Variants in CCND3 observed in about 807,000 individuals in gnomAD.
CCND3 encodes cyclin D3.
Under a neutral mutation model 28.7 loss-of-function variants are expected in CCND3, and 9 were observed. That is an observed-to-expected ratio of 0.31 (90% CI 0.19 to 0.55). The LOEUF (loss-of-function observed/expected upper bound fraction) is 0.55, where lower values mean the gene tolerates loss of function less well. Among genes scored for constraint, CCND3 ranks in the 20% least tolerant of loss-of-function variants. CCND3 has a pLI of 0.93. For missense variants in CCND3, 315 were observed against 385.8 expected, an observed-to-expected ratio of 0.82 and a Z score of 1.54; for synonymous variants, 164 against 163.9, an observed-to-expected ratio of 1.00 and a Z score of 0.00.
upstream of CCND3, chr6:42,049,813 G>A (rs1413336701): frequency 6.6e-6 from 1 of 152,190 alleles, no homozygotes; most frequent in Non-Finnish European, 1.5e-5. Flanking sequence ...AACATTACTC[G>A]CTCAGAAGAA....
intron 1 of CCND3, among the ~76,000 whole-genome samples, chr6:42,016,248 T>C (rs1432844475): frequency 6.6e-6 from 1 of 152,190 alleles, no homozygotes; most frequent in Non-Finnish European, 1.5e-5. Context: ...GTATGTTTTT[T>C]ACTAACCATA....
chr6:42,015,448 C>T (rs772134190), intron 1 of CCND3, among the ~76,000 whole-genome samples: 1 of 152,086 alleles, frequency 6.6e-6, no homozygotes, highest in Non-Finnish European at 1.5e-5. Context: ...CAGTGGCTCA[C>T]GCCTGTAATC....
At chr6:42,027,263 C>T (rs2127435173) in intron 1 of CCND3, among the ~76,000 whole-genome samples, 1 of 152,182 alleles carries the variant, frequency 6.6e-6, no homozygotes, top group East Asian at 1.9e-4. Flanking sequence ...CACGGTGAAA[C>T]CCCATCTCTA....
At chr6:41,986,096 G>T (rs959206347) in intron 1 of CCND3, among the ~76,000 whole-genome samples, 11 of 152,004 alleles carry the variant, frequency 7.2e-5, no homozygotes, top group African/African-American at 2.4e-4. Flanking sequence ...ATAAATGTGT[G>T]GACTTATTTC....
At chr6:41,948,095 T>A (rs1480274231) in intron 1 of CCND3, among the ~76,000 whole-genome samples, 1 of 152,068 alleles carries the variant, frequency 6.6e-6, no homozygotes, top group African/African-American at 2.4e-5. Context: ...CTTCAGGAAG[T>A]CCAAAAGTTG....
At chr6:41,991,847 G>A (rs1393784025) in intron 1 of CCND3, among the ~76,000 whole-genome samples, 1 of 152,102 alleles carries the variant, frequency 6.6e-6, no homozygotes. Flanking sequence ...AACATGCGGT[G>A]TTTAACTTTC....
intron 1 of CCND3, among the ~76,000 whole-genome samples, chr6:41,987,722 G>A (rs1370120767): frequency 2.7e-5 from 4 of 150,904 alleles, no homozygotes; most frequent in East Asian, 2.0e-4. Flanking sequence ...GACTGGTCTC[G>A]AACTCTTGGG....
intron 1 of CCND3, among the ~76,000 whole-genome samples, chr6:42,032,602 A>T (rs1315369371): frequency 6.6e-6 from 1 of 152,218 alleles, no homozygotes; most frequent in Admixed American, 6.5e-5. Context: ...ACTCACAGTG[A>T]GGTATCTTTT....
At chr6:41,972,590 A>G (rs551556046) in intron 1 of CCND3, among the ~76,000 whole-genome samples, 4 of 152,120 alleles carry the variant, frequency 2.6e-5, no homozygotes, top group African/African-American at 9.6e-5. Flanking sequence ...GGTTCCCATC[A>G]CCTAAAGCTG....
At chr6:41,959,331 A>T (rs1211772692) in intron 1 of CCND3, among the ~76,000 whole-genome samples, 1 of 151,718 alleles carries the variant, frequency 6.6e-6, no homozygotes, top group Non-Finnish European at 1.5e-5. Flanking sequence ...AACAAAAAGC[A>T]AAACAAAACC....
chr6:42,048,396 G>C lies in CCND3; in HGVS notation c.-46+105C>G, dbSNP rs1764608814. On this transcript the variant is annotated intron_variant, in intron 1 of 4. Coordinates refer to the CCND3 transcript ENST00000372988. This position sits in a 1 kb window ranked among gnomAD's most constrained non-coding sequence, Gnocchi z 4.7. The stretch of plus-strand genomic sequence containing the variant: ...TTCGGTGCCAACTAGGAAGTGATGA[G>C]GATGCGGCGACCCCATTGACCCACC... 2 of 349,862 alleles carry C rather than the reference G, an allele frequency of 5.7e-6. No individual in the cohort carries two copies. Among genetic ancestry groups the C allele is most frequent in the Non-Finnish European group, 1.1e-5 (2 of 175,642 alleles). The allele number at this position is 349,862 out of a possible 1,614,324, so 21.7% of individuals were successfully genotyped here.
chr6:42,028,970 G>GTTTT, intron 1 of CCND3, among the ~76,000 whole-genome samples: 1 of 118,656 alleles, frequency 8.4e-6, no homozygotes, highest in East Asian at 4.0e-4. Context: ...ACCTTGAAAC[G>GTTTT]GTTTTTTTTT....
At chr6:41,963,109 C>A (rs1439160894) in intron 1 of CCND3, among the ~76,000 whole-genome samples, 1 of 152,222 alleles carries the variant, frequency 6.6e-6, no homozygotes, top group East Asian at 1.9e-4. Context: ...CCAGCCTTAT[C>A]TTTGCTTCCC....
intron 1 of CCND3, chr6:42,048,000 C>G (rs1256539774): frequency 6.5e-6 from 1 of 153,298 alleles, no homozygotes; most frequent in Non-Finnish European, 1.5e-5. Context: ...TTAATGCTCC[C>G]TTAGTAACAG....
chr6:41,992,304 A>G (rs1762671843), intron 1 of CCND3, among the ~76,000 whole-genome samples: 1 of 151,884 alleles, frequency 6.6e-6, no homozygotes. Flanking sequence ...CTGGGATTAC[A>G]GGTGCCTGCC....
At chr6:42,020,152 G>A (rs899408525) in intron 1 of CCND3, among the ~76,000 whole-genome samples, 2 of 151,976 alleles carry the variant, frequency 1.3e-5, no homozygotes, top group Admixed American at 6.6e-5. Context: ...GGTGGCCGGC[G>A]CCCGTAGTCC....
At chr6:41,958,376 C>G (rs1776491528) in intron 1 of CCND3, among the ~76,000 whole-genome samples, 1 of 152,078 alleles carries the variant, frequency 6.6e-6, no homozygotes, top group South Asian at 2.1e-4. Context: ...TAGCAAAAAG[C>G]CATACTTCCC....
At chr6:42,007,767 C>T (rs987604550) in intron 1 of CCND3, among the ~76,000 whole-genome samples, 1 of 152,176 alleles carries the variant, frequency 6.6e-6, no homozygotes, top group African/African-American at 2.4e-5. Context: ...GAGCAGCTCA[C>T]GGATGCTGCT....
At chr6:42,041,364 G>A (rs960352456) in intron 1 of CCND3, among the ~76,000 whole-genome samples, 3 of 152,198 alleles carry the variant, frequency 2.0e-5, no homozygotes, top group African/African-American at 7.2e-5. Context: ...AGAAAAGATG[G>A]GAGTTCCCCC....
Sources: allele counts gnomAD v4.1 joint callset (sites outside exome capture counted in the v4.1 genomes callset), GRCh38; gene constraint gnomAD v4.1.1; non-coding constraint Gnocchi (gnomAD v3.1); transcripts MANE v1.5; gene names NCBI Gene and HGNC (gene_info 2026-07-23, HGNC 2026-07-21).